NDST3: variants seen among roughly 807,000 people sequenced by gnomAD.
The protein encoded by NDST3 is N-deacetylase and N-sulfotransferase 3, also known as bifunctional heparan sulfate N-deacetylase/N-sulfotransferase 3.
NDST3 carries 58 observed loss-of-function variants against 96.1 expected under a neutral mutation model. That is an observed-to-expected ratio of 0.60 (90% confidence interval 0.49 to 0.75). The LOEUF (loss-of-function observed/expected upper bound fraction) is 0.75. NDST3 is among the 30% of genes least tolerant of loss of function. The probability of loss-of-function intolerance (pLI) is 0.00; values close to 1 mark genes in which losing one functional copy is unlikely to be tolerated. For missense variants in NDST3, 788 were observed against 1,034.2 expected (o/e 0.76, Z 3.27); for synonymous variants, 333 against 359.7 (o/e 0.93, Z 0.84).
intron 6 of NDST3, among the ~76,000 whole-genome samples, chr4:118,180,355 T>C (rs1044813430): frequency 1.3e-5 from 2 of 152,134 alleles, no homozygotes; most frequent in African/African-American, 2.4e-5. Context: ...GAATATGTGG[T>C]ATTTGGTTTT....
intron 2 of NDST3, among the ~76,000 whole-genome samples, chr4:118,079,734 T>C (rs1727857557): frequency 6.6e-6 from 1 of 152,248 alleles, no homozygotes; most frequent in East Asian, 1.9e-4. Context: ...GGCTGTCGTA[T>C]GGAGAATGGA....
At chr4:118,111,163 T>C (rs796974972) in intron 3 of NDST3, among the ~76,000 whole-genome samples, 4 of 152,266 alleles carry the variant, frequency 2.6e-5, no homozygotes, top group African/African-American at 9.6e-5. Flanking sequence ...TGGGGACTAA[T>C]GGCAGAGAGG....
chr4:118,097,238 C>G (rs1266665068), intron 2 of NDST3, among the ~76,000 whole-genome samples: 1 of 151,904 alleles, frequency 6.6e-6, no homozygotes, highest in Non-Finnish European at 1.5e-5. Flanking sequence ...TTTAGGACCT[C>G]AACTGAATTC....
At chr4:118,076,229 T>C (rs1232611746) in intron 2 of NDST3, among the ~76,000 whole-genome samples, 2 of 152,156 alleles carry the variant, frequency 1.3e-5, no homozygotes, top group African/African-American at 2.4e-5. Context: ...GCCTTTAATG[T>C]TTTTTCTTTC....
intron 6 of NDST3, among the ~76,000 whole-genome samples, chr4:118,218,275 T>C (rs1222256739): frequency 6.6e-6 from 1 of 152,062 alleles, no homozygotes; most frequent in African/African-American, 2.4e-5. Context: ...CTGATGAACA[T>C]CGACATGAAA....
chr4:118,132,568 A>C (rs1460295257), intron 4 of NDST3, among the ~76,000 whole-genome samples: 1 of 152,080 alleles, frequency 6.6e-6, no homozygotes, highest in Non-Finnish European at 1.5e-5. Context: ...CACTGTGGCC[A>C]AGCTGGTACA....
intron 12 of NDST3, 138 bp from the exon 13 acceptor site, chr4:118,253,361 T>A: frequency 3.8e-6 from 2 of 532,708 alleles, no homozygotes; most frequent in Non-Finnish European, 6.8e-6. Context: ...AAGAATTCAG[T>A]TTCTCTGGTT....
chr4:118,128,075 A>C (rs571717477), intron 4 of NDST3, among the ~76,000 whole-genome samples: 1 of 152,144 alleles, frequency 6.6e-6, no homozygotes, highest in Non-Finnish European at 1.5e-5. Context: ...CAGTTCTAAT[A>C]GTTTTTTGGT....
chr4:118,057,917 G>A (rs977074531), intron 2 of NDST3, among the ~76,000 whole-genome samples: 1 of 152,060 alleles, frequency 6.6e-6, no homozygotes, highest in Non-Finnish European at 1.5e-5. Flanking sequence ...CCAGGACTGA[G>A]AGTATTTGTT....
chr4:118,213,802 T>A (rs1367773406), intron 6 of NDST3, among the ~76,000 whole-genome samples: 6 of 150,796 alleles, frequency 4.0e-5, no homozygotes, highest in Non-Finnish European at 7.4e-5. Context: ...TTTTTCTTTT[T>A]TGACATTTTC....
intron 6 of NDST3, among the ~76,000 whole-genome samples, chr4:118,179,897 T>C (rs11726746): frequency 0.11 from 17,312 of 152,050 alleles, 1,329 homozygotes; most frequent in South Asian, 0.2. Flanking sequence ...AGGTTGAAAC[T>C]TTTAACCCCT....
At chr4:118,192,077 A>G (rs1175529942) in intron 6 of NDST3, among the ~76,000 whole-genome samples, 19 of 152,166 alleles carry the variant, frequency 1.2e-4, no homozygotes, top group Admixed American at 1.2e-3. Flanking sequence ...TGCTGTTTCT[A>G]TACCTTCCTT....
In NDST3 at chr4:118,233,082, C is replaced by A. The variant is rs904072099; in HGVS notation, c.1890C>A (p.Thr630=). The change falls in exon 9 of 14, where the codon ACC becomes ACA. Residue 630 remains threonine, a synonymous_variant. Transcript: ENST00000296499. ...SILSNSPSPK[T]FEEVQFFNRN... ...TTAGTAACTCCCCCAGCCCAAAAAC[C>A]TTTGAGGAGGTACAGTTCTTTAATA... 3 of 1,612,954 alleles carry A rather than the reference C, an allele frequency of 1.9e-6. No homozygotes were observed. Among genetic ancestry groups the A allele is most frequent in the Non-Finnish European group, 2.5e-6 (3 of 1,179,052 alleles).
intron 2 of NDST3, among the ~76,000 whole-genome samples, chr4:118,058,685 G>A (rs546845178): frequency 1.3e-5 from 2 of 151,418 alleles, no homozygotes; most frequent in East Asian, 2.0e-4. Flanking sequence ...ACTATTGGAT[G>A]AGTTTTAGTG....
chr4:118,247,523 G>A (rs1435091492), intron 12 of NDST3, among the ~76,000 whole-genome samples: 1 of 152,056 alleles, frequency 6.6e-6, no homozygotes, highest in Non-Finnish European at 1.5e-5. Flanking sequence ...CTGCAATCCA[G>A]CCTGGGCGAC....
At chr4:118,066,218 A>ATTATATATATTATATATTAT (rs1560617831) in intron 2 of NDST3, among the ~76,000 whole-genome samples, 1 of 62,858 alleles carries the variant, frequency 1.6e-5, no homozygotes, top group African/African-American at 7.0e-5. Context: ...TATTATACAT[A>ATTATATATATTATATATTAT]ATATATTATA....
intron 4 of NDST3, among the ~76,000 whole-genome samples, chr4:118,130,743 A>T (rs1388698404): frequency 6.6e-6 from 1 of 152,138 alleles, no homozygotes; most frequent in Non-Finnish European, 1.5e-5. Context: ...AGCATTTCTT[A>T]TAAGACAGGT....
chr4:118,169,793 C>CAA (rs55684244), intron 6 of NDST3, among the ~76,000 whole-genome samples: 69 of 117,316 alleles, frequency 5.9e-4, no homozygotes, highest in South Asian at 1.1e-3. Flanking sequence ...GACTCCATCT[C>CAA]AAAAAAAAAA....
intron 6 of NDST3, among the ~76,000 whole-genome samples, chr4:118,152,296 C>G (rs975711852): frequency 1.3e-5 from 2 of 152,082 alleles, no homozygotes; most frequent in Admixed American, 1.3e-4. Flanking sequence ...AGTTTAAAGA[C>G]TAGAGGCTCA....
Sources: allele counts gnomAD v4.1 joint callset (sites outside exome capture counted in the v4.1 genomes callset), GRCh38; gene constraint gnomAD v4.1.1; transcripts MANE v1.5; gene names NCBI Gene and HGNC (gene_info 2026-07-23, HGNC 2026-07-21).